Variants in PTPRD observed in about 807,000 individuals in gnomAD.
PTPRD encodes protein tyrosine phosphatase receptor type D, also known as receptor-type tyrosine-protein phosphatase delta.
A neutral mutation model predicts 214.5 loss-of-function variants in PTPRD; 34 were observed. The observed-to-expected ratio is 0.16, with a 90% CI of 0.12 to 0.21. The LOEUF is 0.21. Ranked by LOEUF, PTPRD falls within the 10% of genes least tolerant of loss-of-function variation. PTPRD has a pLI of 1.00. For synonymous variants in PTPRD, 1,128 were observed against 845.7 expected (o/e 1.33, Z -5.79); for missense variants, 2,545 against 2,398.7 (o/e 1.06, Z -1.27).
At chr9:8,324,286 T>G (rs1831371486) in intron 44 of PTPRD, among the ~76,000 whole-genome samples, 1 of 152,088 alleles carries the variant, frequency 6.6e-6, no homozygotes, top group African/African-American at 2.4e-5. Context: ...GTGTGTGATG[T>G]TCGCTTCCCT....
intron 34 of PTPRD, among the ~76,000 whole-genome samples, chr9:8,439,597 C>T (rs143466451): frequency 2.1e-4 from 32 of 151,802 alleles, no homozygotes; most frequent in Non-Finnish European, 2.8e-4. Flanking sequence ...CAGAAAAGAC[C>T]GAATGTCGGC....
At chr9:8,561,194 C>A (rs946228642) in intron 14 of PTPRD, among the ~76,000 whole-genome samples, 1 of 152,130 alleles carries the variant, frequency 6.6e-6, no homozygotes, top group African/African-American at 2.4e-5. Flanking sequence ...CACTGTCCTG[C>A]CCACCTTTGA....
intron 2 of PTPRD, among the ~76,000 whole-genome samples, chr9:10,464,328 C>G (rs942186583): frequency 6.6e-6 from 1 of 151,500 alleles, no homozygotes; most frequent in African/African-American, 2.4e-5. Context: ...TGCAGTGTGC[C>G]GAGGTCATGT....
chr9:8,806,561 C>G (rs914691331), intron 11 of PTPRD, among the ~76,000 whole-genome samples: 19 of 152,110 alleles, frequency 1.2e-4, no homozygotes, highest in African/African-American at 4.6e-4. Flanking sequence ...AAAGTGTATG[C>G]TATTAGATTA....
At chr9:10,195,572 G>A (rs998387829) in intron 3 of PTPRD, among the ~76,000 whole-genome samples, 10 of 152,272 alleles carry the variant, frequency 6.6e-5, no homozygotes, top group African/African-American at 1.7e-4. Context: ...GCCAGACGCC[G>A]TGGCTCACGC....
At chr9:10,065,082 G>T (rs763684983) in intron 3 of PTPRD, among the ~76,000 whole-genome samples, 1 of 148,392 alleles carries the variant, frequency 6.7e-6, no homozygotes, top group Non-Finnish European at 1.5e-5. Flanking sequence ...AGATTGCTAC[G>T]CTGTCTCTGG....
At chr9:8,684,059 C>T (rs1180986421) in intron 12 of PTPRD, among the ~76,000 whole-genome samples, 1 of 152,144 alleles carries the variant, frequency 6.6e-6, no homozygotes, top group Non-Finnish European at 1.5e-5. Flanking sequence ...TTAGAGTCTT[C>T]TCATTGCAGC....
intron 9 of PTPRD, among the ~76,000 whole-genome samples, chr9:9,212,751 G>A (rs1003278253): frequency 6.6e-6 from 1 of 152,072 alleles, no homozygotes; most frequent in Non-Finnish European, 1.5e-5. Flanking sequence ...GACTCAAGAC[G>A]ATTCCTACTG....
At chr9:9,782,427 T>A (rs192152557) in intron 5 of PTPRD, among the ~76,000 whole-genome samples, 2 of 152,202 alleles carry the variant, frequency 1.3e-5, no homozygotes, top group Admixed American at 1.3e-4. Context: ...AGGAACACAT[T>A]TGCATCTTTA....
Position 8,525,117 on chromosome 9 carries a change from T to C in PTPRD, c.569-82A>G, listed in dbSNP as rs752607362. 47 of 1,185,042 alleles carry C rather than the reference T, an allele frequency of 4.0e-5. No homozygotes were observed. In the African/African-American group the frequency reaches 5.6e-4, roughly 14 times the overall value. The allele number at this position is 1,185,042 out of a possible 1,614,324, so 73.4% of individuals were successfully genotyped here. ...CAGAAAGCTAAACCTCTTAACAATA[T>C]GAAAAGCCCTGCAAAGCGAAGGTCC... On this transcript the variant is annotated intron_variant, in intron 17 of 45. Coordinates refer to ENST00000381196, the MANE Select transcript of PTPRD (RefSeq NM_002839.4).
At chr9:10,380,180 G>C (rs1392579203) in intron 2 of PTPRD, among the ~76,000 whole-genome samples, 1 of 151,994 alleles carries the variant, frequency 6.6e-6, no homozygotes, top group Non-Finnish European at 1.5e-5. Flanking sequence ...AACGTTCAAA[G>C]AGAACCAAAA....
chr9:10,605,164 C>T (rs1373807199), intron 2 of PTPRD, among the ~76,000 whole-genome samples: 1 of 151,808 alleles, frequency 6.6e-6, no homozygotes, highest in African/African-American at 2.4e-5. Flanking sequence ...TATAAGTCCT[C>T]TTATAAGAAT....
chr9:9,989,353 C>T (rs1736060817), intron 4 of PTPRD, among the ~76,000 whole-genome samples: 1 of 152,018 alleles, frequency 6.6e-6, no homozygotes, highest in African/African-American at 2.4e-5. Context: ...ACATTCTGTA[C>T]CCATAAAAAC....
chr9:10,518,723 A>G (rs113886301), intron 2 of PTPRD, among the ~76,000 whole-genome samples: 7,553 of 151,530 alleles, frequency 0.05, 250 homozygotes, highest in South Asian at 0.1. Context: ...TAGTACAGAC[A>G]GGGTTTTACC....
chr9:8,854,985 A>C (rs1410808894), intron 11 of PTPRD, among the ~76,000 whole-genome samples: 2 of 152,050 alleles, frequency 1.3e-5, no homozygotes, highest in African/African-American at 4.8e-5. Context: ...TATTTTTCAC[A>C]CTCTATATGG....
intron 9 of PTPRD, among the ~76,000 whole-genome samples, chr9:9,219,860 G>T (rs1442747890): frequency 3.3e-5 from 5 of 152,260 alleles, no homozygotes; most frequent in African/African-American, 7.2e-5. Context: ...ATGGGCATCT[G>T]CCCCAATTTC....
chr9:9,926,155 G>C (rs912346674), intron 5 of PTPRD, among the ~76,000 whole-genome samples: 3 of 152,042 alleles, frequency 2.0e-5, no homozygotes, highest in African/African-American at 7.2e-5. Flanking sequence ...TTCCAGGCTT[G>C]TACTTCTAAA....
At chr9:9,427,448 A>G (rs1259567808) in intron 8 of PTPRD, among the ~76,000 whole-genome samples, 4 of 152,188 alleles carry the variant, frequency 2.6e-5, no homozygotes, top group Non-Finnish European at 5.9e-5. Context: ...TGGTGTACGT[A>G]AAAGTGACAG....
intron 3 of PTPRD, among the ~76,000 whole-genome samples, chr9:10,246,479 G>A (rs1423836327): frequency 1.3e-5 from 2 of 152,130 alleles, no homozygotes; most frequent in African/African-American, 4.8e-5. Flanking sequence ...CTTGACCTCA[G>A]GTGATCCATC....
Sources: gnomAD v4.1 joint callset for allele counts (sites outside exome capture counted in the v4.1 genomes callset) on GRCh38, gnomAD v4.1.1 for gene constraint, MANE v1.5 for transcripts, NCBI Gene and HGNC (gene_info 2026-07-23, HGNC 2026-07-21) for gene names.